Variants in CLEC2A observed in about 807,000 individuals in gnomAD.
CLEC2A encodes the protein keratinocyte-associated C-type lectin.
In CLEC2A, 19 loss-of-function variants were observed where a neutral mutation model predicts 18.6. That is an observed-to-expected ratio of 1.02 (90% confidence interval 0.71 to 1.50). The LOEUF (loss-of-function observed/expected upper bound fraction) is 1.50. Ranked by LOEUF, CLEC2A falls within the 40% of genes most tolerant of loss-of-function variation. The pLI is 0.00. For synonymous variants in CLEC2A, 74 were observed against 64.0 expected, an observed-to-expected ratio of 1.16 and a Z score of -0.75; for missense variants, 190 against 207.9, an observed-to-expected ratio of 0.91 and a Z score of 0.53.
At chr12:9,899,193 A>C (rs1862792504) in intron 4 of CLEC2A, among the ~76,000 whole-genome samples, 1 of 152,124 alleles carries the variant, frequency 6.6e-6, no homozygotes, top group African/African-American at 2.4e-5. Flanking sequence ...CCCAATCCTA[A>C]AACTACTAGT....
chr12:9,892,580 C>CTTTTTTTTTTTTTTT, the CLEC2A span, among the ~76,000 whole-genome samples: 1 of 104,836 alleles, frequency 9.5e-6, no homozygotes, highest in African/African-American at 3.8e-5. Context: ...TACAGAACTG[C>CTTTTTTTTTTTTTTT]TTTTTTTTTT....
intron 4 of CLEC2A, 78 bp downstream of exon 4, chr12:9,916,622 T>C (rs1358800909): frequency 1.1e-6 from 1 of 936,718 alleles, no homozygotes; most frequent in Non-Finnish European, 1.7e-6. Context: ...TTGTTTATAA[T>C]AATACAACTC....
At chr12:9,904,381 G>GC (rs548658286) in intron 4 of CLEC2A, among the ~76,000 whole-genome samples, 227 of 152,304 alleles carry the variant, frequency 1.5e-3, no homozygotes, top group African/African-American at 5.3e-3. Context: ...TGCAGTGCAC[G>GC]CAAGTGTAAC....
intron 2 of CLEC2A, among the ~76,000 whole-genome samples, chr12:9,925,185 C>T (rs906739919): frequency 3.9e-5 from 6 of 152,212 alleles, no homozygotes; most frequent in African/African-American, 1.2e-4. Flanking sequence ...ATTAACTAAA[C>T]GCATGTGCTT....
chr12:9,893,169 G>C, the CLEC2A span: 2 of 1,529,308 alleles, frequency 1.3e-6, no homozygotes, highest in Non-Finnish European at 1.8e-6. Context: ...GGATGAGCTG[G>C]TGAGAAATCA....
At chr12:9,881,622 G>C in the CLEC2A span, 374 of 1,535,072 alleles carry the variant, frequency 2.4e-4, no homozygotes, top group Non-Finnish European at 3.2e-4. Context: ...GGTATATGAC[G>C]CTGAGTTTCA....
the CLEC2A span, chr12:9,892,936 T>C: frequency 8.4e-7 from 1 of 1,194,798 alleles, no homozygotes; most frequent in East Asian, 2.6e-5. Flanking sequence ...AAAATCTATT[T>C]TCCAAGTAGT....
the CLEC2A span, among the ~76,000 whole-genome samples, chr12:9,884,657 G>C: frequency 6.7e-6 from 1 of 148,856 alleles, no homozygotes; most frequent in Non-Finnish European, 1.5e-5. Context: ...ATATGTATTT[G>C]TATGTATAAT....
chr12:9,888,660 C>G, the CLEC2A span: 1 of 847,322 alleles, frequency 1.2e-6, no homozygotes, highest in East Asian at 2.7e-5. Flanking sequence ...TCTGCTGGTA[C>G]TTTATTCTCA....
At chr12:9,896,590 G>A (rs1001666868), downstream of CLEC2A, among the ~76,000 whole-genome samples, 1 of 151,900 alleles carries the variant, frequency 6.6e-6, no homozygotes, top group Non-Finnish European at 1.5e-5. Context: ...AAATTTTAAT[G>A]TAATGCTTCT....
At chr12:9,899,175 C>A (rs113555346) in intron 4 of CLEC2A, among the ~76,000 whole-genome samples, 227 of 152,082 alleles carry the variant, frequency 1.5e-3, no homozygotes, top group African/African-American at 5.3e-3. Context: ...GGGTTCCCTT[C>A]CCCTGAGCCC....
At chr12:9,902,724 C>A (rs549198336) in intron 4 of CLEC2A, among the ~76,000 whole-genome samples, 10 of 152,016 alleles carry the variant, frequency 6.6e-5, no homozygotes, top group African/African-American at 2.4e-4. Flanking sequence ...CTCAGCAAGG[C>A]AATTTACTTC....
intron 1 of CLEC2A, 98 bp from the exon 2 acceptor site, chr12:9,926,441 A>G: frequency 1.3e-6 from 1 of 756,260 alleles, no homozygotes; most frequent in Non-Finnish European, 2.2e-6. Context: ...TAATCAGGAA[A>G]CCCTCAATCA....
chr12:9,909,663 G>A (rs1041985503), downstream of CLEC2A, among the ~76,000 whole-genome samples: 4 of 152,218 alleles, frequency 2.6e-5, no homozygotes, highest in Non-Finnish European at 5.9e-5. Flanking sequence ...ATTCCCCAGG[G>A]ATAGGGGATA....
intron 2 of CLEC2A, among the ~76,000 whole-genome samples, chr12:9,924,834 G>C (rs1445484197): frequency 2.0e-5 from 3 of 152,086 alleles, no homozygotes; most frequent in African/African-American, 7.2e-5. Context: ...TAAAACAGCA[G>C]ATGCAAGAGA....
the CLEC2A span, among the ~76,000 whole-genome samples, chr12:9,892,358 C>T: frequency 6.6e-6 from 1 of 152,108 alleles, no homozygotes; most frequent in Non-Finnish European, 1.5e-5. Context: ...TAAAGACAAT[C>T]TTGAAATGTC....
At chr12:9,880,961 A>T in the CLEC2A span, among the ~76,000 whole-genome samples, 3 of 152,170 alleles carry the variant, frequency 2.0e-5, no homozygotes, top group Admixed American at 2.0e-4. Flanking sequence ...TGCCACACCT[A>T]CTGAAGGAAA....
Position 9,913,329 on chromosome 12 carries a change from T to G in CLEC2A, c.*237A>C, listed in dbSNP as rs1863015877. 3.9e-6 allele frequency: 2 copies of G among 515,190 alleles called. No individual in the cohort carries two copies. Among genetic ancestry groups the G allele is most frequent in the Admixed American group, 8.3e-5 (2 of 24,086 alleles). 31.9% of individuals were successfully genotyped at this position (515,190 alleles called of 1,614,324 possible). ...GAGCCATCCATCAGGAGGTGATTAG[T>G]TCATGAGGATGGAGCCATAGTAAAT... On this transcript the variant is annotated 3_prime_UTR_variant, in exon 5 of 5. Transcript: ENST00000455827.
At chr12:9,894,065 TTTTC>T (rs1862722531), downstream of CLEC2A, among the ~76,000 whole-genome samples, 2 of 151,914 alleles carry the variant, frequency 1.3e-5, no homozygotes, top group African/African-American at 4.8e-5. Context: ...TCTTTCTCTT[TTTTC>T]TTTCTCTTTC....
Sources: gnomAD v4.1 joint callset for allele counts (sites outside exome capture counted in the v4.1 genomes callset) on GRCh38, gnomAD v4.1.1 for gene constraint, MANE v1.5 for transcripts, NCBI Gene and HGNC (gene_info 2026-07-23, HGNC 2026-07-21) for gene names.